Variants in TIMP3 observed in about 807,000 individuals in gnomAD.
TIMP3 encodes the protein metalloproteinase inhibitor 3.
Under a neutral mutation model 30.0 loss-of-function variants are expected in TIMP3, and 11 were observed. The ratio of observed to expected loss-of-function variants is 0.37; its 90% CI spans 0.23 to 0.61. The LOEUF (loss-of-function observed/expected upper bound fraction) is 0.61. Among genes scored for constraint, TIMP3 ranks in the 20% least tolerant of loss-of-function variants. The pLI is 0.70. For missense variants in TIMP3, 181 were observed against 276.8 expected (o/e 0.65, Z 2.45); for synonymous variants, 112 against 111.3 (o/e 1.01, Z -0.04).
chr22:32,836,742 C>T (rs968689722), intron 1 of TIMP3, among the ~76,000 whole-genome samples: 4 of 152,096 alleles, frequency 2.6e-5, no homozygotes, highest in African/African-American at 9.7e-5. Context: ...AAACTATGGC[C>T]CTGGGTGTCC....
intron 1 of TIMP3, among the ~76,000 whole-genome samples, chr22:32,846,751 A>G (rs966995668): frequency 6.6e-6 from 1 of 152,244 alleles, no homozygotes; most frequent in Non-Finnish European, 1.5e-5. Flanking sequence ...TGTTAGCCAC[A>G]TGAGAGGCAC....
At position 32,859,206 on chromosome 22, in the gene TIMP3, C is replaced by T. The variant is rs1447453648; in HGVS notation, c.465C>T (p.Cys155=). 6.2e-7 allele frequency: 1 copy of T among 1,614,198 alleles called. No individual in the cohort carries two copies. Among genetic ancestry groups the T allele is most frequent in the Non-Finnish European group, 8.5e-7 (1 of 1,180,046 alleles). The part of the protein sequence containing the change: ...CKIKSCYYLP[C]FVTSKNECLW... ...TCAAGTCCTGCTACTACCTGCCTTG[C>T]TTTGTGACTTCCAAGAACGAGTGTC... The change falls in exon 5 of 5, where the codon TGC becomes TGT. Residue 155 remains cysteine, a synonymous_variant. Coordinates refer to ENST00000266085, the MANE Select transcript of TIMP3 (RefSeq NM_000362.5).
At chr22:32,839,552 C>T (rs1248165035) in intron 1 of TIMP3, among the ~76,000 whole-genome samples, 2 of 152,124 alleles carry the variant, frequency 1.3e-5, no homozygotes, top group African/African-American at 4.8e-5. Context: ...CAGGAATCAG[C>T]CAGCCCTAGG....
intron 1 of TIMP3, among the ~76,000 whole-genome samples, chr22:32,805,266 T>C (rs1458848414): frequency 2.0e-5 from 3 of 152,132 alleles, no homozygotes; most frequent in African/African-American, 7.2e-5. Context: ...CCCCAGAGGA[T>C]GGCCCCTGGA....
chr22:32,801,872 G>T lies in TIMP3; in HGVS notation c.-130G>T. 1 of 1,187,140 alleles carries T rather than the reference G, an allele frequency of 8.4e-7. No homozygotes were observed. Among genetic ancestry groups the T allele is most frequent in the South Asian group, 2.8e-5 (1 of 35,714 alleles). 73.5% of individuals were successfully genotyped at this position (1,187,140 alleles called of 1,614,324 possible). On this transcript the variant is annotated 5_prime_UTR_variant, in exon 1 of 5. Coordinates refer to ENST00000266085, the MANE Select transcript of TIMP3 (RefSeq NM_000362.5). The surrounding 1 kb of genome is among the most constrained non-coding windows in gnomAD (Gnocchi z 4.7). ...CCGCCGGGCACTCGGAGGGCAGCGC[G>T]CCGGAGGCCAAGGTTGCCCCGCACG...
At chr22:32,813,501 AC>A (rs1259905341) in intron 1 of TIMP3, among the ~76,000 whole-genome samples, 11 of 148,246 alleles carry the variant, frequency 7.4e-5, no homozygotes, top group African/African-American at 2.8e-4. Flanking sequence ...ACACACACAC[AC>A]ACACACACAC....
chr22:32,821,629 G>T (rs1231227351), intron 1 of TIMP3, among the ~76,000 whole-genome samples: 1 of 152,246 alleles, frequency 6.6e-6, no homozygotes, highest in East Asian at 1.9e-4. Context: ...TCGGATGGAA[G>T]AGCGGAGGCC....
intron 1 of TIMP3, among the ~76,000 whole-genome samples, chr22:32,814,667 A>T (rs1434191772): frequency 1.3e-5 from 2 of 152,194 alleles, no homozygotes; most frequent in African/African-American, 4.8e-5. Flanking sequence ...AGAATGCTCC[A>T]CCTGGATAGT....
chr22:32,812,109 T>C (rs2046931379), intron 1 of TIMP3, among the ~76,000 whole-genome samples: 1 of 152,164 alleles, frequency 6.6e-6, no homozygotes, highest in Non-Finnish European at 1.5e-5. Flanking sequence ...TGGTCTCTTA[T>C]CTGTAAAACA....
intron 1 of TIMP3, among the ~76,000 whole-genome samples, chr22:32,847,826 A>G (rs1217928800): frequency 6.6e-6 from 1 of 152,224 alleles, no homozygotes; most frequent in Non-Finnish European, 1.5e-5. Flanking sequence ...AAGGAGTTCA[A>G]TTTGTAATTC....
At chr22:32,813,534 CACGT>C (rs1363472050) in intron 1 of TIMP3, among the ~76,000 whole-genome samples, 68 of 141,580 alleles carry the variant, frequency 4.8e-4, no homozygotes, top group Non-Finnish European at 9.5e-4. Context: ...CACACACACA[CACGT>C]GGACCAAACA....
chr22:32,852,139 T>C (rs1192813908), intron 2 of TIMP3, among the ~76,000 whole-genome samples: 5 of 152,368 alleles, frequency 3.3e-5, no homozygotes, highest in Middle Eastern at 3.4e-3. Flanking sequence ...GATAACACCT[T>C]GTCCTCTGTT....
At position 32,861,678 on chromosome 22, in the gene TIMP3, C is replaced by T. The variant is rs2048542083; in HGVS notation, c.*2301C>T. Reference sequence around the variant, plus strand: ...TCGATAAATTAGCAGAACCACATCCCCATCTGTTAGGCCTTGGTGAGGAGG... The same window carrying T: ...TCGATAAATTAGCAGAACCACATCCTCATCTGTTAGGCCTTGGTGAGGAGG... On this transcript the variant is annotated 3_prime_UTR_variant, in exon 5 of 5. Transcript: ENST00000266085. 1 of 152,604 alleles carries T rather than the reference C, an allele frequency of 6.6e-6. No individual in the cohort carries two copies. Among genetic ancestry groups the T allele is most frequent in the African/African-American group, 2.4e-5 (1 of 41,432 alleles). The allele number at this position is 152,604 out of a possible 1,614,324, so 9.5% of individuals were successfully genotyped here.
rs130292 is a variant in TIMP3, at chr22:32,825,657, C to CAAAAAAAA, written c.121+23568_121+23575dup. Among the ~76,000 whole-genome samples, 9 of 28,594 alleles carry CAAAAAAAA rather than the reference C, an allele frequency of 3.1e-4. 3 individuals carry two copies. Among genetic ancestry groups the CAAAAAAAA allele is most frequent in the South Asian group, 4.6e-3 (2 of 436 alleles). 18.8% of individuals were successfully genotyped at this position (28,594 alleles called of 152,430 possible). On this transcript the variant is annotated intron_variant, in intron 1 of 4. Coordinates refer to ENST00000266085, the MANE Select transcript of TIMP3 (RefSeq NM_000362.5). ...TGGGCGACAGAGCGAGTTTCCATCT[C>CAAAAAAAA]AAAAAAAAAAAAAAAAAAAAAAAAA...
chr22:32,819,327 C>G (rs948856292), intron 1 of TIMP3, among the ~76,000 whole-genome samples: 1 of 152,332 alleles, frequency 6.6e-6, no homozygotes, highest in South Asian at 2.1e-4. Flanking sequence ...AAAGAGGACA[C>G]GATGCCTTGC....
intron 1 of TIMP3, among the ~76,000 whole-genome samples, chr22:32,807,577 G>A (rs930091966): frequency 6.7e-6 from 1 of 149,612 alleles, no homozygotes; most frequent in East Asian, 2.0e-4. Context: ...TGAGGGAGGT[G>A]TGCTATTGTC....
intron 1 of TIMP3, among the ~76,000 whole-genome samples, chr22:32,814,349 G>GAA (rs1315475497): frequency 2.7e-4 from 40 of 148,426 alleles, no homozygotes; most frequent in Admixed American, 5.4e-4. Flanking sequence ...GAGAAAGAAA[G>GAA]AGAGAAAGAA....
chr22:32,825,639 CA>C (rs1435458683), intron 1 of TIMP3, among the ~76,000 whole-genome samples: 1 of 110,588 alleles, frequency 9.0e-6, no homozygotes, highest in Non-Finnish European at 1.7e-5. Flanking sequence ...GCCTGGGCGA[CA>C]GAGCGAGTTT....
chr22:32,845,390 C>G (rs928840252), intron 1 of TIMP3, among the ~76,000 whole-genome samples: 11 of 151,976 alleles, frequency 7.2e-5, no homozygotes, highest in African/African-American at 2.7e-4. Flanking sequence ...TGGGGTTTCA[C>G]CATGCTGGCC....
Sources: gnomAD v4.1 joint callset for allele counts (sites outside exome capture counted in the v4.1 genomes callset) on GRCh38, gnomAD v4.1.1 for gene constraint, Gnocchi (gnomAD v3.1) non-coding constraint, MANE v1.5 for transcripts, NCBI Gene and HGNC (gene_info 2026-07-23, HGNC 2026-07-21) for gene names.